IP6K3: variants seen among roughly 807,000 people sequenced by gnomAD.
IP6K3 encodes inositol hexakisphosphate kinase 3.
In IP6K3, 20 loss-of-function variants were observed where a neutral mutation model predicts 28.8. The observed-to-expected ratio is 0.70, with a 90% CI of 0.49 to 1.01. The LOEUF (loss-of-function observed/expected upper bound fraction) is 1.01. IP6K3 is among the 50% of genes least tolerant of loss of function. The pLI is 0.00. For missense variants in IP6K3, 480 were observed against 537.1 expected (o/e 0.89, Z 1.05); for synonymous variants, 213 against 221.3 (o/e 0.96, Z 0.33).
chr6:33,725,971 T>G (rs1167499383), intron 4 of IP6K3, among the ~76,000 whole-genome samples: 1 of 152,218 alleles, frequency 6.6e-6, no homozygotes, highest in Non-Finnish European at 1.5e-5. Context: ...CCTTCAGTCC[T>G]GCTGAATGGA....
At position 33,722,517 on chromosome 6, in the gene IP6K3, C is replaced by T. The variant is rs1765937986; in HGVS notation, c.*203G>A. 2 of 492,694 alleles carry T rather than the reference C, an allele frequency of 4.1e-6. No individual in the cohort carries two copies. Among genetic ancestry groups the T allele is most frequent in the Non-Finnish European group, 7.2e-6 (2 of 278,454 alleles). The allele number at this position is 492,694 out of a possible 1,614,324, so 30.5% of individuals were successfully genotyped here. A position where few individuals can be genotyped will look rare whatever the true frequency, so the allele number is the denominator to read the frequency against. On this transcript the variant is annotated 3_prime_UTR_variant, in exon 6 of 6. Transcript: ENST00000293756. ...TGTTCTCCGATGAGCAGCATTAGAG[C>T]ATAATGCCAGGGGATGTGGAATCAC...
chr6:33,753,839 C>T, the IP6K3 span, among the ~76,000 whole-genome samples: 1 of 151,784 alleles, frequency 6.6e-6, no homozygotes, highest in Non-Finnish European at 1.5e-5. Flanking sequence ...GACAGAGTCT[C>T]GCTGTGTCGT....
At chr6:33,749,682 G>A (rs1180084073), upstream of IP6K3, among the ~76,000 whole-genome samples, 1 of 151,776 alleles carries the variant, frequency 6.6e-6, no homozygotes, top group Non-Finnish European at 1.5e-5. Context: ...TGTGAGGGGA[G>A]CCACCATGCC....
the IP6K3 span, among the ~76,000 whole-genome samples, chr6:33,760,310 A>C: frequency 6.6e-6 from 1 of 152,142 alleles, no homozygotes; most frequent in East Asian, 1.9e-4. Context: ...TCAGGGTCTT[A>C]TGTTTCCCAG....
In IP6K3 at chr6:33,746,343, G is replaced by A. The variant is rs377303391; in HGVS notation, c.-180+415C>T. On this transcript the variant is annotated intron_variant, in intron 1 of 5. Coordinates refer to ENST00000293756, the MANE Select transcript of IP6K3 (RefSeq NM_054111.5). The surrounding 1 kb of genome is among the most constrained non-coding windows in gnomAD (Gnocchi z 6.5). ...TTCCTGTGCCCAGGGGATGCTGCCC[G>A]CGTTTCTTGGACACCGGCCTCTGTT... is the stretch of plus-strand genomic sequence containing the variant. 5.7e-3 allele frequency among the ~76,000 whole-genome samples: 872 copies of A among 152,246 alleles called. 4 individuals carry two copies. Among genetic ancestry groups the A allele is most frequent in the Non-Finnish European group, 6.3e-3 (431 of 68,014 alleles).
the IP6K3 span, among the ~76,000 whole-genome samples, chr6:33,755,493 A>G: frequency 6.6e-6 from 1 of 152,258 alleles, no homozygotes; most frequent in African/African-American, 2.4e-5. Context: ...GGAGGTGACC[A>G]CAGGCAAGTC....
intron 1 of IP6K3, among the ~76,000 whole-genome samples, chr6:33,745,336 C>T (rs768154824): frequency 5.3e-5 from 8 of 152,086 alleles, no homozygotes; most frequent in East Asian, 1.9e-4. Context: ...CAGCAGAGGA[C>T]AGGGAGGGCC....
intron 4 of IP6K3, among the ~76,000 whole-genome samples, chr6:33,726,251 A>C (rs597304): frequency 0.96 from 145,569 of 152,240 alleles, 69,743 homozygotes; most frequent in Non-Finnish European, 0.99. Flanking sequence ...TGGGTGCTCC[A>C]CTAAGGGAGG....
intron 1 of IP6K3, among the ~76,000 whole-genome samples, chr6:33,737,074 C>G (rs1377593355): frequency 6.6e-6 from 1 of 152,170 alleles, no homozygotes; most frequent in African/African-American, 2.4e-5. Context: ...TGCGGCTGGC[C>G]AGGAGAGTGG....
At position 33,735,462 on chromosome 6, in the gene IP6K3, G is replaced by T. The variant is rs148938575; in HGVS notation, c.15C>A (p.Asn5Lys). The T allele has an allele frequency of 6.2e-7, 1 of 1,610,028 alleles. No individual in the cohort carries two copies. The change falls in exon 2 of 6, where the codon AAC (asparagine) becomes AAA (lysine). Residue 5 changes from asparagine to lysine, a missense_variant. Transcript: ENST00000293756. ...CCCTCATGTCCCCGGCGTCTGCGCT[G>T]TTTTGCACAACCATGGCGGCAGATG... Reference protein sequence around the residue: MVVQNSADAGDMRAG... With the variant: MVVQKSADAGDMRAG...
chr6:33,734,060 G>A (rs751356795), intron 2 of IP6K3, among the ~76,000 whole-genome samples: 14 of 152,046 alleles, frequency 9.2e-5, no homozygotes, highest in East Asian at 7.7e-4. Flanking sequence ...AAAATTGGCC[G>A]AGCATGGTGG....
chr6:33,754,195 C>T, the IP6K3 span, among the ~76,000 whole-genome samples: 3 of 152,056 alleles, frequency 2.0e-5, no homozygotes, highest in Non-Finnish European at 4.4e-5. Flanking sequence ...CCCAGCTGGG[C>T]CGGGGGAGAG....
chr6:33,726,623 C>T (rs1766122076), intron 4 of IP6K3, 108 bp downstream of exon 4: 15 of 1,148,794 alleles, frequency 1.3e-5, no homozygotes, highest in Non-Finnish European at 1.7e-5. Context: ...CCCTGCTACC[C>T]TCCATTGGCC....
chr6:33,758,374 C>CA, the IP6K3 span, among the ~76,000 whole-genome samples: 1 of 151,914 alleles, frequency 6.6e-6, no homozygotes, highest in Non-Finnish European at 1.5e-5. Flanking sequence ...ACAAACAAAA[C>CA]AAAAAAACTG....
chr6:33,759,020 T>G, the IP6K3 span, among the ~76,000 whole-genome samples: 322 of 152,360 alleles, frequency 2.1e-3, 1 homozygote, highest in African/African-American at 7.3e-3. Context: ...AACTGTAGTG[T>G]AAGTACAGAG....
chr6:33,751,159 T>A (rs189068586), upstream of IP6K3, among the ~76,000 whole-genome samples: 483 of 152,264 alleles, frequency 3.2e-3, 1 homozygote, highest in African/African-American at 6.4e-3. The surrounding 1 kb of genome is among the most constrained non-coding windows in gnomAD (Gnocchi z 4.3). Context: ...AGGCGGCTTG[T>A]GGCTTCCCTA....
chr6:33,754,485 T>C, the IP6K3 span, among the ~76,000 whole-genome samples: 2 of 152,140 alleles, frequency 1.3e-5, no homozygotes, highest in African/African-American at 4.8e-5. Context: ...ATCATTTAAT[T>C]GTGGCAGAAA....
the IP6K3 span, among the ~76,000 whole-genome samples, chr6:33,760,720 G>A: frequency 0.026 from 4,000 of 152,268 alleles, 151 homozygotes; most frequent in African/African-American, 0.086. Flanking sequence ...TAGAGACGGG[G>A]TTTTGCCATG....
chr6:33,756,441 G>A, the IP6K3 span, among the ~76,000 whole-genome samples: 1 of 152,060 alleles, frequency 6.6e-6, no homozygotes, highest in Admixed American at 6.6e-5. Context: ...GGAAGCCAGG[G>A]GAGAGAGGTA....
Sources: gnomAD v4.1 joint callset for allele counts (sites outside exome capture counted in the v4.1 genomes callset) on GRCh38, gnomAD v4.1.1 for gene constraint, Gnocchi (gnomAD v3.1) non-coding constraint, MANE v1.5 for transcripts, NCBI Gene and HGNC (gene_info 2026-07-23, HGNC 2026-07-21) for gene names.